The following SCARB2 variants were observed in gnomAD, a reference collection of about 807,000 sequenced individuals.
SCARB2 encodes lysosome membrane protein 2.
A neutral mutation model predicts 58.6 loss-of-function variants in SCARB2; 29 were observed. The ratio of observed to expected loss-of-function variants is 0.49; its 90% CI spans 0.37 to 0.67. The LOEUF (loss-of-function observed/expected upper bound fraction) is 0.67, where lower values mean the gene tolerates loss of function less well. Among genes scored for constraint, SCARB2 ranks in the 30% least tolerant of loss-of-function variants. The pLI is 0.00. For missense variants in SCARB2, 488 were observed against 578.5 expected, an observed-to-expected ratio of 0.84 and a Z score of 1.60; for synonymous variants, 195 against 210.1, an observed-to-expected ratio of 0.93 and a Z score of 0.62.
Position 76,176,436 on chromosome 4 carries a change from C to T in SCARB2, c.704+1G>A, listed in dbSNP as rs886041076. The T allele has an allele frequency of 5.6e-6, 9 of 1,597,070 alleles. No individual in the cohort carries two copies. Among genetic ancestry groups the T allele is most frequent in the African/African-American group, 1.3e-5 (1 of 74,590 alleles). Reference sequence around the variant, plus strand: ...TTCCACTGATAAATCATTTGACTTACGTTTTCCCATTCCATTCCACAATTT... The same window carrying T: ...TTCCACTGATAAATCATTTGACTTATGTTTTCCCATTCCATTCCACAATTT... On this transcript the variant is annotated splice_donor_variant, in intron 5 of 11. Transcript: ENST00000264896. LOFTEE classifies it high-confidence loss of function.
At position 76,169,848 on chromosome 4, in the gene SCARB2, G is replaced by T; in HGVS notation, c.1113+19C>A. The T allele has an allele frequency of 6.5e-7, 1 of 1,547,728 alleles. No individual in the cohort carries two copies. Among genetic ancestry groups the T allele is most frequent in the Non-Finnish European group, 8.9e-7 (1 of 1,119,764 alleles). ...GAATAAAACATATGCTCTTTTACCAGGAGGAAGTATGTACTCACAGGATTA... is the reference window on the plus strand; with the variant it reads ...GAATAAAACATATGCTCTTTTACCATGAGGAAGTATGTACTCACAGGATTA... On this transcript the variant is annotated intron_variant, in intron 8 of 11. Coordinates refer to ENST00000264896, the MANE Select transcript of SCARB2 (RefSeq NM_005506.4).
At chr4:76,179,305 C>G (rs1280346061) in intron 4 of SCARB2, 1 of 552,896 alleles carries the variant, frequency 1.8e-6, no homozygotes, top group Non-Finnish European at 3.2e-6. Flanking sequence ...CCACCCACCT[C>G]GGTCTCCCAA....
upstream of SCARB2, chr4:76,213,950 GGCAGTGATTCGGCC>G: frequency 6.0e-6 from 1 of 167,518 alleles, no homozygotes; most frequent in Non-Finnish European, 1.3e-5. Flanking sequence ...CTGCGGCGGC[GGCAGTGATTCGGCC>G]CGCGCCCTCC....
rs184267899 is a variant in SCARB2 at position 76,174,370 on chromosome 4, G to A, written c.825-57C>T. On this transcript the variant is annotated intron_variant, in intron 6 of 11. Transcript: ENST00000264896. ...GGACTCTGGTCAGTGTAATCTGCCC[G>A]AAATCCGCAAGTTAGCAACAGTTCT... 2.5e-3 allele frequency: 3,850 copies of A among 1,533,822 alleles called. 6 individuals carry two copies. Among genetic ancestry groups the A allele is most frequent in the Non-Finnish European group, 3.2e-3 (3,531 of 1,108,780 alleles).
rs758205277 is a variant in SCARB2 at position 76,174,265 on chromosome 4, A to T, written c.873T>A (p.Pro291=). 1 of 1,614,216 alleles carries T rather than the reference A, an allele frequency of 6.2e-7. No homozygotes were observed. The highest frequency in any genetic ancestry group is 8.5e-7 in the Non-Finnish European group (1 of 1,180,032). The part of the protein sequence containing the change: ...FSDYESVQGL[P]AFRYKVPAEI... Reference sequence around the variant, plus strand: ...CTGCAGGAACTTTATACCGAAAGGCAGGCAGTCCCTGTACACTCTCATAGT... The same window carrying T: ...CTGCAGGAACTTTATACCGAAAGGCTGGCAGTCCCTGTACACTCTCATAGT... The change falls in exon 7 of 12, where the codon CCT becomes CCA. Residue 291 remains proline (P), a synonymous_variant. Coordinates refer to ENST00000264896, the MANE Select transcript of SCARB2 (RefSeq NM_005506.4).
chr4:76,222,365 T>C (rs1038841864), intron 1 of SCARB2, among the ~76,000 whole-genome samples: 3 of 152,218 alleles, frequency 2.0e-5, no homozygotes, highest in African/African-American at 7.2e-5. Flanking sequence ...TAGCTGGGAC[T>C]ATAGGCGTGA....
At chr4:76,169,535 A>C (rs1009274610) in intron 8 of SCARB2, among the ~76,000 whole-genome samples, 1 of 152,222 alleles carries the variant, frequency 6.6e-6, no homozygotes, top group East Asian at 1.9e-4. Context: ...TCCCAAGGGG[A>C]GAAATAAATA....
chr4:76,211,125 C>A (rs1482990653), intron 1 of SCARB2, among the ~76,000 whole-genome samples: 1 of 152,190 alleles, frequency 6.6e-6, no homozygotes, highest in African/African-American at 2.4e-5. Context: ...AATACACATG[C>A]AGAGACAAAT....
At chr4:76,212,212 G>A (rs1208032723) in intron 1 of SCARB2, among the ~76,000 whole-genome samples, 4 of 152,298 alleles carry the variant, frequency 2.6e-5, no homozygotes, top group Non-Finnish European at 4.4e-5. Context: ...AGTGGAGAAA[G>A]GATTCAGTTT....
upstream of SCARB2, chr4:76,213,830 G>C (rs1733135009): frequency 7.5e-6 from 2 of 267,456 alleles, no homozygotes; most frequent in South Asian, 7.5e-5. Context: ...AGAGTGCAGG[G>C]AGCGCGCAGG....
At chr4:76,234,111 C>T (rs1201143910) in intron 1 of SCARB2, among the ~76,000 whole-genome samples, 2 of 152,142 alleles carry the variant, frequency 1.3e-5, no homozygotes, top group Non-Finnish European at 1.5e-5. Context: ...GGCCATGTGT[C>T]TCAGCCCAGG....
intron 1 of SCARB2, among the ~76,000 whole-genome samples, chr4:76,221,273 G>T (rs1228822904): frequency 6.6e-6 from 1 of 152,120 alleles, no homozygotes; most frequent in African/African-American, 2.4e-5. Flanking sequence ...TCCTGGCCTG[G>T]GGAGTTTTTC....
chr4:76,199,287 G>A (rs1732780810), intron 1 of SCARB2, among the ~76,000 whole-genome samples: 1 of 152,212 alleles, frequency 6.6e-6, no homozygotes, highest in South Asian at 2.1e-4. Context: ...GGGTAGAGTT[G>A]CCAGATTTAG....
intron 10 of SCARB2, chr4:76,164,821 T>C (rs1338370294): frequency 1.3e-5 from 2 of 152,132 alleles, no homozygotes; most frequent in East Asian, 1.9e-4. Flanking sequence ...AAGAAAGCAT[T>C]TTTTTTCATT....
intron 2 of SCARB2, chr4:76,192,136 T>C (rs760562763): frequency 3.9e-5 from 6 of 152,206 alleles, no homozygotes; most frequent in Non-Finnish European, 7.3e-5. Flanking sequence ...GAGTCAAATA[T>C]TGCTATAAAG....
At chr4:76,196,377 T>C (rs1413977833) in intron 1 of SCARB2, among the ~76,000 whole-genome samples, 2 of 152,134 alleles carry the variant, frequency 1.3e-5, no homozygotes, top group East Asian at 1.9e-4. Flanking sequence ...AGTTAATTAA[T>C]TAATAATTGT....
At chr4:76,185,725 T>C (rs558187973) in intron 2 of SCARB2, among the ~76,000 whole-genome samples, 6 of 152,350 alleles carry the variant, frequency 3.9e-5, no homozygotes, top group East Asian at 1.9e-4. Flanking sequence ...AGTATCGTTA[T>C]CTTTCAGTCA....
chr4:76,212,801 T>C (rs1483886857), intron 1 of SCARB2, among the ~76,000 whole-genome samples: 2 of 152,214 alleles, frequency 1.3e-5, no homozygotes, highest in East Asian at 3.8e-4. Flanking sequence ...CTGAAAATTA[T>C]GGCCGTTTGA....
intron 1 of SCARB2, among the ~76,000 whole-genome samples, chr4:76,205,815 T>G (rs370715962): frequency 1.2e-4 from 18 of 152,240 alleles, no homozygotes; most frequent in African/African-American, 4.3e-4. Flanking sequence ...CCTCTCAAGC[T>G]ATCTTTCATT....
Sources: allele counts gnomAD v4.1 joint callset (sites outside exome capture counted in the v4.1 genomes callset), GRCh38; gene constraint gnomAD v4.1.1; transcripts MANE v1.5; gene names NCBI Gene and HGNC (gene_info 2026-07-23, HGNC 2026-07-21).